The following PDE4D variants were observed in gnomAD, a reference collection of about 807,000 sequenced individuals.
The protein encoded by PDE4D is phosphodiesterase 4D.
In PDE4D, 24 loss-of-function variants were observed where a neutral mutation model predicts 87.4. That is an observed-to-expected ratio of 0.27 (90% CI 0.20 to 0.39). PDE4D has a LOEUF of 0.39. Among genes scored for constraint, PDE4D ranks in the 10% least tolerant of loss-of-function variants. The pLI is 1.00. For synonymous variants in PDE4D, 384 were observed against 383.2 expected (o/e 1.00, Z -0.02); for missense variants, 714 against 1,041.0 (o/e 0.69, Z 4.32).
chr5:60,192,772 C>T (rs1583027215), intron 1 of PDE4D, among the ~76,000 whole-genome samples: 1 of 124,560 alleles, frequency 8.0e-6, no homozygotes, highest in Admixed American at 7.7e-5. Flanking sequence ...GTAGTTCTGT[C>T]TCATTTCTAT....
chr5:59,334,166 T>C (rs988706004), intron 1 of PDE4D, among the ~76,000 whole-genome samples: 1 of 151,538 alleles, frequency 6.6e-6, no homozygotes, highest in Non-Finnish European at 1.5e-5. Flanking sequence ...ATAGCCTTTA[T>C]AGGATTGGCC....
upstream of PDE4D, among the ~76,000 whole-genome samples, chr5:59,894,511 G>A (rs890849264): frequency 3.3e-5 from 5 of 152,154 alleles, no homozygotes; most frequent in Non-Finnish European, 7.3e-5. Context: ...GTTTCCTCTT[G>A]AAGATCTTCC....
At chr5:59,200,284 A>C (rs190432) in intron 2 of PDE4D, among the ~76,000 whole-genome samples, 23,235 of 105,024 alleles carry the variant, frequency 0.22, 3,916 homozygotes, top group African/African-American at 0.37. Flanking sequence ...TACAGCTACA[A>C]GTATACATAC....
In PDE4D at chr5:59,893,575, C is replaced by T; in HGVS notation, c.48G>A (p.Glu16=). 1 of 1,526,994 alleles carries T rather than the reference C, an allele frequency of 6.5e-7. No individual in the cohort carries two copies. The highest frequency in any genetic ancestry group is 8.8e-7 in the Non-Finnish European group (1 of 1,137,488). 94.6% of individuals were successfully genotyped at this position (1,526,994 alleles called of 1,614,324 possible). The part of the protein sequence containing the change: ...SSAPARAGSG[E]GSDSAGGATL... ...TGGCCCCGCCGGCGCTGTCGCTGCCCTCTCCGCTGCCCGCCCGGGCCGGCG... is the reference window on the plus strand; with the variant it reads ...TGGCCCCGCCGGCGCTGTCGCTGCCTTCTCCGCTGCCCGCCCGGGCCGGCG... The change falls in exon 1 of 15, where the codon GAG becomes GAA. Residue 16 remains glutamate (E), a synonymous_variant. Transcript: ENST00000340635.
chr5:59,256,881 C>T (rs955928132), intron 1 of PDE4D, among the ~76,000 whole-genome samples: 2 of 151,926 alleles, frequency 1.3e-5, no homozygotes, highest in Admixed American at 1.3e-4. Context: ...AAAAGTATGG[C>T]ATACGAGTTA....
At position 59,561,741 on chromosome 5, in the gene PDE4D, C is replaced by T. The variant is rs562798879; in HGVS notation, c.455+331427G>A. 1.3e-4 allele frequency among the ~76,000 whole-genome samples: 19 copies of T among 151,442 alleles called. No homozygotes were observed. In the South Asian group the frequency reaches 3.8e-3, roughly 30 times the overall value. On this transcript the variant is annotated intron_variant, in intron 1 of 14. Coordinates refer to ENST00000340635, the MANE Select transcript of PDE4D (RefSeq NM_001104631.2). ...GGTCAGGAGTTTGAGACCAGCCTGA[C>T]CAACATGGCAAAAACCCGTCTCTAC... is the stretch of plus-strand genomic sequence containing the variant.
chr5:60,373,636 T>C (rs1175710787), intron 1 of PDE4D, among the ~76,000 whole-genome samples: 1 of 152,356 alleles, frequency 6.6e-6, no homozygotes, highest in East Asian at 1.9e-4. Context: ...AACTACCTAA[T>C]GGAAAACCTA....
At chr5:60,045,934 G>C (rs1199466007) in intron 2 of PDE4D, among the ~76,000 whole-genome samples, 2 of 152,158 alleles carry the variant, frequency 1.3e-5, no homozygotes, top group Non-Finnish European at 2.9e-5. Context: ...GGATGGCACT[G>C]AATCTTTAAA....
chr5:59,648,692 T>G (rs1343475929), intron 1 of PDE4D, among the ~76,000 whole-genome samples: 1 of 148,284 alleles, frequency 6.7e-6, no homozygotes, highest in East Asian at 2.0e-4. Flanking sequence ...ACAAGAAGAA[T>G]CCTTGAAGTA....
intron 1 of PDE4D, among the ~76,000 whole-genome samples, chr5:59,827,712 C>T (rs1770487385): frequency 6.6e-6 from 1 of 152,062 alleles, no homozygotes; most frequent in South Asian, 2.1e-4. Context: ...ATGCTGGGTG[C>T]TCGGGAGGAG....
chr5:59,523,492 T>G (rs1812581657), intron 1 of PDE4D, among the ~76,000 whole-genome samples: 1 of 152,216 alleles, frequency 6.6e-6, no homozygotes, highest in Admixed American at 6.5e-5. Context: ...TTCTTACAGG[T>G]TTAGATAGCA....
intron 1 of PDE4D, among the ~76,000 whole-genome samples, chr5:60,214,716 G>A (rs1238140251): frequency 1.3e-5 from 2 of 152,150 alleles, no homozygotes; most frequent in Admixed American, 6.5e-5. Context: ...ACAGAGGACA[G>A]AGGCCCTTAT....
At chr5:59,193,462 T>A in intron 3 of PDE4D, 38 bp downstream of exon 3, 2 of 1,590,502 alleles carry the variant, frequency 1.3e-6, no homozygotes, top group Non-Finnish European at 1.7e-6. Flanking sequence ...AATTTTTACA[T>A]CTGTGAGAAA....
intron 2 of PDE4D, among the ~76,000 whole-genome samples, chr5:60,078,999 A>G (rs1773628736): frequency 6.6e-6 from 1 of 152,140 alleles, no homozygotes; most frequent in Admixed American, 6.5e-5. Context: ...TTACATTTCC[A>G]CCAACAATGT....
At chr5:59,174,780 A>G (rs187978805) in intron 5 of PDE4D, among the ~76,000 whole-genome samples, 1 of 152,290 alleles carries the variant, frequency 6.6e-6, no homozygotes, top group Admixed American at 6.5e-5. Flanking sequence ...TGTAAGAAGG[A>G]CCATGGACTC....
intron 1 of PDE4D, among the ~76,000 whole-genome samples, chr5:59,734,683 G>A (rs1757842993): frequency 1.4e-5 from 2 of 145,098 alleles, no homozygotes; most frequent in Admixed American, 1.4e-4. Flanking sequence ...CATTGGATAT[G>A]TCATGGACTT....
At chr5:59,554,915 A>C (rs1432722901) in intron 1 of PDE4D, among the ~76,000 whole-genome samples, 1 of 152,228 alleles carries the variant, frequency 6.6e-6, no homozygotes, top group Non-Finnish European at 1.5e-5. Flanking sequence ...GGGTGTAAGA[A>C]GACTAAATAT....
intron 5 of PDE4D, among the ~76,000 whole-genome samples, chr5:59,068,203 C>T (rs576235005): frequency 7.9e-5 from 12 of 152,302 alleles, no homozygotes; most frequent in African/African-American, 2.4e-4. Context: ...CTAAGCCATA[C>T]CACAAGCATT....
At position 60,367,507 on chromosome 5, in the gene PDE4D, CT is replaced by C. The variant is rs555807825; in HGVS notation, c.-90+120434del. Among the ~76,000 whole-genome samples the C allele has an allele frequency of 2.1e-3, 320 of 151,252 alleles. 1 individual carries two copies. The highest frequency in any genetic ancestry group is 2.1e-3 in the Non-Finnish European group (141 of 67,744). Reference sequence around the variant, plus strand: ...AAACTTTGAAAAAACATTTTCTTTTCTTTTTTTTCATCCTAATAGCCCAAAC... The same window carrying C: ...AAACTTTGAAAAAACATTTTCTTTTCTTTTTTTCATCCTAATAGCCCAAAC... On this transcript the variant is annotated intron_variant, in intron 1 of 16. Coordinates refer to the PDE4D transcript ENST00000502484.
Sources: gnomAD v4.1 joint callset for allele counts (sites outside exome capture counted in the v4.1 genomes callset) on GRCh38, gnomAD v4.1.1 for gene constraint, MANE v1.5 for transcripts, NCBI Gene and HGNC (gene_info 2026-07-23, HGNC 2026-07-21) for gene names.